The following SEPTIN10 variants were observed in gnomAD, a reference collection of about 807,000 sequenced individuals.
The protein encoded by SEPTIN10 is septin 10.
SEPTIN10 carries 66 observed loss-of-function variants against 54.8 expected under a neutral mutation model. The observed-to-expected ratio is 1.21, with a 90% CI of 0.99 to 1.48. SEPTIN10 has a LOEUF of 1.48. Ranked by LOEUF, SEPTIN10 falls within the 40% of genes most tolerant of loss-of-function variation. The probability of loss-of-function intolerance (pLI) is 0.00; values close to 1 mark genes in which losing one functional copy is unlikely to be tolerated. For missense variants in SEPTIN10, 620 were observed against 545.6 expected, an observed-to-expected ratio of 1.14 and a Z score of -1.36; for synonymous variants, 161 against 181.0, an observed-to-expected ratio of 0.89 and a Z score of 0.89.
rs143849910 is a variant in SEPTIN10 at position 109,608,836 on chromosome 2, A to T, written c.30+4962T>A. 4.5e-4 allele frequency among the ~76,000 whole-genome samples: 68 copies of T among 152,364 alleles called. No homozygotes were observed. In the East Asian group the frequency reaches 0.013, roughly 28 times the overall value. ...TCAACCTTCCAGATATTATCAGAAG[A>T]AAGTGTAAGAATTAAAGTTCTCATT... On this transcript the variant is annotated intron_variant, in intron 1 of 10. Transcript: ENST00000397712.
chr2:109,613,642 G>A (rs1001345774), intron 1 of SEPTIN10, 156 bp downstream of exon 1: 6 of 466,628 alleles, frequency 1.3e-5, no homozygotes, highest in African/African-American at 2.1e-5. Context: ...CCAGGCGCCC[G>A]GCCGCCGCGG....
chr2:109,547,290 A>G, intron 9 of SEPTIN10, among the ~76,000 whole-genome samples: 1 of 151,938 alleles, frequency 6.6e-6, no homozygotes, highest in East Asian at 1.9e-4. Flanking sequence ...TATAGAAGGT[A>G]GAATGCAGTC....
At chr2:109,574,511 T>C (rs1689164925) in intron 5 of SEPTIN10, 70 bp downstream of exon 5, 8 of 966,992 alleles carry the variant, frequency 8.3e-6, no homozygotes, top group African/African-American at 6.8e-5. Flanking sequence ...TATATCCATA[T>C]TGTAAAAATA....
intron 9 of SEPTIN10, among the ~76,000 whole-genome samples, chr2:109,550,731 G>A (rs1188139980): frequency 2.0e-5 from 3 of 152,180 alleles, no homozygotes; most frequent in African/African-American, 7.2e-5. Context: ...AGAAGTTAGA[G>A]CCCAGTCTTT....
chr2:109,595,128 C>G (rs916459560), intron 1 of SEPTIN10: 2 of 152,256 alleles, frequency 1.3e-5, no homozygotes, highest in African/African-American at 2.4e-5. Context: ...CTCAAGCGAT[C>G]CTACCGCCTT....
Position 109,544,239 on chromosome 2 carries a change from G to T in SEPTIN10, c.*70C>A. ...TAAAACAAATAACAGCAAAATCAAA[G>T]CACACTTCTAGTTTTTTTTTAATAA... On this transcript the variant is annotated 3_prime_UTR_variant, in exon 11 of 11. Coordinates refer to ENST00000397712, the MANE Select transcript of SEPTIN10 (RefSeq NM_144710.5). 1 of 1,611,748 alleles carries T rather than the reference G, an allele frequency of 6.2e-7. No homozygotes were observed. Among genetic ancestry groups the T allele is most frequent in the Non-Finnish European group, 8.5e-7 (1 of 1,179,182 alleles).
intron 4 of SEPTIN10, among the ~76,000 whole-genome samples, chr2:109,579,584 TGCTGGTCAG>T (rs1430522402): frequency 6.6e-6 from 1 of 151,332 alleles, no homozygotes; most frequent in Non-Finnish European, 1.5e-5. Flanking sequence ...GGTTTCACCA[TGCTGGTCAG>T]GCTGGTCTCA....
Position 109,593,127 on chromosome 2 carries a change from A to G in SEPTIN10, c.31-8T>C, listed in dbSNP as rs751069874. Reference sequence around the variant, plus strand: ...CATGTGAGACTGAAAGAGCTAAAAAAGGAATACAAAGGCTTAAAAGGAAAC... The same window carrying G: ...CATGTGAGACTGAAAGAGCTAAAAAGGGAATACAAAGGCTTAAAAGGAAAC... On this transcript the variant is annotated splice_region_variant and splice_polypyrimidine_tract_variant and intron_variant, in intron 1 of 10. Coordinates refer to ENST00000397712, the MANE Select transcript of SEPTIN10 (RefSeq NM_144710.5). 2 of 1,583,040 alleles carry G rather than the reference A, an allele frequency of 1.3e-6. No homozygotes were observed. Among genetic ancestry groups the G allele is most frequent in the Non-Finnish European group, 1.7e-6 (2 of 1,164,620 alleles).
At chr2:109,594,762 G>A (rs779592131) in intron 1 of SEPTIN10, 2 of 152,180 alleles carry the variant, frequency 1.3e-5, no homozygotes, top group Admixed American at 1.3e-4. Context: ...CACATACACA[G>A]TGAATAAATC....
At chr2:109,613,705 C>CGGGCCGGACCAGG in intron 1 of SEPTIN10, 93 bp downstream of exon 1, 1 of 877,658 alleles carries the variant, frequency 1.1e-6, no homozygotes, top group East Asian at 3.6e-5. Flanking sequence ...GTCACAATCC[C>CGGGCCGGACCAGG]GGGCCGGACC....
intron 8 of SEPTIN10, among the ~76,000 whole-genome samples, chr2:109,555,566 A>G (rs1020401217): frequency 1.3e-5 from 2 of 152,236 alleles, no homozygotes; most frequent in African/African-American, 4.8e-5. Context: ...TAAATGCAGA[A>G]TGTTAGCAAA....
Position 109,553,409 on chromosome 2 carries a change from T to C in SEPTIN10, c.1029-190A>G, listed in dbSNP as rs375646534. Reference sequence around the variant, plus strand: ...AAATAAAAAAATTAGCTGGGCATGATAGCAGGTGCCTGTAATCCCAGCTAC... The same window carrying C: ...AAATAAAAAAATTAGCTGGGCATGACAGCAGGTGCCTGTAATCCCAGCTAC... On this transcript the variant is annotated intron_variant, in intron 8 of 10. Coordinates refer to ENST00000397712, the MANE Select transcript of SEPTIN10 (RefSeq NM_144710.5). Among the ~76,000 whole-genome samples the C allele has an allele frequency of 9.0e-4, 135 of 150,472 alleles. No individual in the cohort carries two copies. In the South Asian group the frequency reaches 0.013, roughly 14 times the overall value.
rs1393074039 is a variant in SEPTIN10 at position 109,593,033 on chromosome 2, T to C, written c.99+18A>G. The stretch of plus-strand genomic sequence containing the variant: ...CATTTAGAGTACAATATGGTATCTA[T>C]TTAAAAGACATACTCACTATCTGTT... On this transcript the variant is annotated intron_variant, in intron 2 of 10. Transcript: ENST00000397712. The C allele has an allele frequency of 6.5e-7, 1 of 1,546,038 alleles. No individual in the cohort carries two copies. Among genetic ancestry groups the C allele is most frequent in the Admixed American group, 1.9e-5 (1 of 52,344 alleles).
chr2:109,608,262 G>C (rs1218256369), intron 1 of SEPTIN10, among the ~76,000 whole-genome samples: 1 of 152,072 alleles, frequency 6.6e-6, no homozygotes, highest in Non-Finnish European at 1.5e-5. Flanking sequence ...TGAGAGACTG[G>C]GATACAGTTT....
intron 8 of SEPTIN10, among the ~76,000 whole-genome samples, chr2:109,554,935 T>C (rs1396599909): frequency 6.6e-6 from 1 of 152,202 alleles, no homozygotes. Context: ...CCTATCTCCC[T>C]ATCTTATCAA....
chr2:109,579,385 CTTTT>C (rs150577425), intron 4 of SEPTIN10, among the ~76,000 whole-genome samples: 1 of 139,388 alleles, frequency 7.2e-6, no homozygotes, highest in Non-Finnish European at 1.6e-5. Context: ...CCAGGCCCTC[CTTTT>C]TTTTTTTTTT....
intron 4 of SEPTIN10, among the ~76,000 whole-genome samples, chr2:109,581,433 T>C (rs865779914): frequency 9.4e-4 from 141 of 149,762 alleles, no homozygotes; most frequent in African/African-American, 3.4e-3. Context: ...TGAGACCCTG[T>C]CTCAAAAAAA....
chr2:109,563,990 T>G lies in SEPTIN10; in HGVS notation c.1028+376A>C, dbSNP rs1478776701. Among the ~76,000 whole-genome samples, 3 of 152,134 alleles carry G rather than the reference T, an allele frequency of 2.0e-5. No individual in the cohort carries two copies. In the East Asian group the frequency reaches 5.8e-4, roughly 29 times the overall value. The stretch of plus-strand genomic sequence containing the variant: ...AAATAAATAAAACTAAGAAAATGAT[T>G]TGTGTTCCAACTTACCTTTATGACA... On this transcript the variant is annotated intron_variant, in intron 8 of 10. Transcript: ENST00000397712.
intron 4 of SEPTIN10, 97 bp from the exon 5 acceptor site, chr2:109,574,864 T>C (rs1211578624): frequency 2.6e-6 from 2 of 777,076 alleles, no homozygotes; most frequent in Admixed American, 3.5e-5. Flanking sequence ...TTTCACTAAT[T>C]AATAAACAGT....
Sources: gnomAD v4.1 joint callset for allele counts (sites outside exome capture counted in the v4.1 genomes callset) on GRCh38, gnomAD v4.1.1 for gene constraint, MANE v1.5 for transcripts, NCBI Gene and HGNC (gene_info 2026-07-23, HGNC 2026-07-21) for gene names.